The following LYPLAL1 variants were observed in gnomAD, a reference collection of about 807,000 sequenced individuals.
The protein encoded by LYPLAL1 is lysophospholipase-like protein 1.
Under a neutral mutation model 19.7 loss-of-function variants are expected in LYPLAL1, and 23 were observed. The ratio of observed to expected loss-of-function variants is 1.17; its 90% CI spans 0.84 to 1.65. LYPLAL1 has a LOEUF of 1.65. LYPLAL1 is among the 40% of genes most tolerant of loss of function. The pLI, the probability that LYPLAL1 is intolerant of heterozygous loss-of-function variation, is 0.00. For missense variants in LYPLAL1, 355 were observed against 279.4 expected, an observed-to-expected ratio of 1.27 and a Z score of -1.93; for synonymous variants, 119 against 96.3, an observed-to-expected ratio of 1.24 and a Z score of -1.38.
At chr1:219,359,176 G>A in the LYPLAL1 span, among the ~76,000 whole-genome samples, 3 of 152,132 alleles carry the variant, frequency 2.0e-5, no homozygotes. Flanking sequence ...AAAGAGATTT[G>A]CTGACCTACC....
chr1:219,224,789 G>A, the LYPLAL1 span, among the ~76,000 whole-genome samples: 1 of 152,200 alleles, frequency 6.6e-6, no homozygotes, highest in Admixed American at 6.5e-5. Context: ...GTGATAGCAG[G>A]CCCAATCTAA....
the LYPLAL1 span, among the ~76,000 whole-genome samples, chr1:219,390,232 C>T: frequency 1.3e-5 from 2 of 152,176 alleles, no homozygotes; most frequent in Non-Finnish European, 2.9e-5. Flanking sequence ...ACTAAACAAG[C>T]AGCCTCAAAG....
the LYPLAL1 span, among the ~76,000 whole-genome samples, chr1:219,241,218 G>C: frequency 1.4e-5 from 2 of 140,186 alleles, no homozygotes; most frequent in South Asian, 4.6e-4. Context: ...TATCCATGAT[G>C]GTGATGCCAC....
At chr1:219,340,228 C>T in the LYPLAL1 span, among the ~76,000 whole-genome samples, 1 of 151,988 alleles carries the variant, frequency 6.6e-6, no homozygotes, top group East Asian at 1.9e-4. Flanking sequence ...TTATAATGTT[C>T]AGTTTAGTTA....
At chr1:219,282,486 G>T in the LYPLAL1 span, among the ~76,000 whole-genome samples, 1 of 143,022 alleles carries the variant, frequency 7.0e-6, no homozygotes, top group South Asian at 2.3e-4. Context: ...AAGGACAATG[G>T]AGCACCTAGC....
the LYPLAL1 span, among the ~76,000 whole-genome samples, chr1:219,284,062 T>A: frequency 1.3e-4 from 20 of 152,208 alleles, no homozygotes; most frequent in African/African-American, 4.6e-4. Context: ...AGTGAGTAAG[T>A]TCTCAGGAGA....
the LYPLAL1 span, among the ~76,000 whole-genome samples, chr1:219,403,969 A>G: frequency 3.2e-4 from 49 of 152,294 alleles, no homozygotes; most frequent in Non-Finnish European, 5.4e-4. Flanking sequence ...ATAGAAGTTC[A>G]AGATCAAGGT....
chr1:219,413,688 G>T, the LYPLAL1 span, among the ~76,000 whole-genome samples: 1 of 152,078 alleles, frequency 6.6e-6, no homozygotes, highest in African/African-American at 2.4e-5. Flanking sequence ...AGCAAACAAA[G>T]AAACAAAAAT....
At chr1:219,286,146 C>G in the LYPLAL1 span, among the ~76,000 whole-genome samples, 3 of 152,156 alleles carry the variant, frequency 2.0e-5, no homozygotes, top group Non-Finnish European at 4.4e-5. Context: ...GATGCAGACT[C>G]TCCCACTGGG....
chr1:219,201,178 G>A (rs1423875595), intron 3 of LYPLAL1, among the ~76,000 whole-genome samples: 1 of 152,046 alleles, frequency 6.6e-6, no homozygotes, highest in Admixed American at 6.6e-5. Context: ...TGCTTAATTT[G>A]TTATTTTCAA....
At chr1:219,190,584 A>T (rs1010908554) in intron 2 of LYPLAL1, among the ~76,000 whole-genome samples, 38 of 150,132 alleles carry the variant, frequency 2.5e-4, no homozygotes, top group African/African-American at 9.3e-4. Flanking sequence ...ATTTTTTTTT[A>T]AAAAGACATT....
At chr1:219,258,169 T>G in the LYPLAL1 span, among the ~76,000 whole-genome samples, 1 of 152,202 alleles carries the variant, frequency 6.6e-6, no homozygotes, top group Admixed American at 6.6e-5. Flanking sequence ...GATTTCATAT[T>G]GTTCAAACAC....
chr1:219,193,903 C>G (rs1657398932), intron 3 of LYPLAL1, among the ~76,000 whole-genome samples: 1 of 151,728 alleles, frequency 6.6e-6, no homozygotes, highest in Admixed American at 6.6e-5. Flanking sequence ...CCAAATGTAA[C>G]TATTTAACTT....
chr1:219,196,328 G>T (rs1300244004), intron 3 of LYPLAL1, among the ~76,000 whole-genome samples: 3 of 151,904 alleles, frequency 2.0e-5, no homozygotes, highest in South Asian at 2.1e-4. Context: ...CCACAGCCTT[G>T]CCAGCATATT....
chr1:219,395,820 T>C, the LYPLAL1 span, among the ~76,000 whole-genome samples: 1 of 152,074 alleles, frequency 6.6e-6, no homozygotes, highest in African/African-American at 2.4e-5. Flanking sequence ...GGGTCCAGTT[T>C]TGGCTGGATG....
At chr1:219,430,193 C>T in the LYPLAL1 span, among the ~76,000 whole-genome samples, 9 of 147,192 alleles carry the variant, frequency 6.1e-5, no homozygotes, top group African/African-American at 2.3e-4. Context: ...ACTCCAGAGG[C>T]TGAGGTGGGA....
the LYPLAL1 span, among the ~76,000 whole-genome samples, chr1:219,244,624 A>G: frequency 1.3e-5 from 2 of 152,190 alleles, no homozygotes; most frequent in Non-Finnish European, 2.9e-5. Context: ...ACCAGGCTTC[A>G]TGGTAGAAAC....
At chr1:219,211,021 T>C (rs1273656955) in intron 4 of LYPLAL1, among the ~76,000 whole-genome samples, 1 of 152,154 alleles carries the variant, frequency 6.6e-6, no homozygotes, top group Non-Finnish European at 1.5e-5. Flanking sequence ...CACATACTTA[T>C]TATGCAGCAA....
the LYPLAL1 span, chr1:219,272,250 A>C: frequency 6.6e-6 from 1 of 152,090 alleles, no homozygotes; most frequent in African/African-American, 2.4e-5. Flanking sequence ...AACCAAACAC[A>C]GATCCACAGA....
Sources: allele counts gnomAD v4.1 joint callset (sites outside exome capture counted in the v4.1 genomes callset), GRCh38; gene constraint gnomAD v4.1.1; transcripts MANE v1.5; gene names NCBI Gene and HGNC (gene_info 2026-07-23, HGNC 2026-07-21).